ABLIM1: variants seen among roughly 807,000 people sequenced by gnomAD.
ABLIM1 encodes the protein actin binding LIM protein 1, also known as actin-binding LIM protein 1.
A neutral mutation model predicts 107.0 loss-of-function variants in ABLIM1; 40 were observed. The ratio of observed to expected loss-of-function variants is 0.37; its 90% CI spans 0.29 to 0.49. ABLIM1 has a LOEUF of 0.49. Among genes scored for constraint, ABLIM1 ranks in the 20% least tolerant of loss-of-function variants. The pLI is 0.97. For missense variants in ABLIM1, 857 were observed against 1,008.5 expected (o/e 0.85, Z 2.04); for synonymous variants, 357 against 357.3 (o/e 1.00, Z 0.01).
At chr10:114,468,425 C>T (rs1192454852) in intron 10 of ABLIM1, among the ~76,000 whole-genome samples, 1 of 151,990 alleles carries the variant, frequency 6.6e-6, no homozygotes, top group Non-Finnish European at 1.5e-5. Context: ...CAGGCGCCGC[C>T]ACCACCCCCA....
At position 114,436,129 on chromosome 10, in the gene ABLIM1, A is replaced by G; in HGVS notation, c.*131T>C. 3.0e-6 allele frequency: 2 copies of G among 664,172 alleles called. No individual in the cohort carries two copies. Among genetic ancestry groups the G allele is most frequent in the Non-Finnish European group, 5.2e-6 (2 of 381,934 alleles). 41.1% of individuals were successfully genotyped at this position (664,172 alleles called of 1,614,324 possible). On this transcript the variant is annotated 3_prime_UTR_variant, in exon 23 of 23. Coordinates refer to ENST00000533213, the MANE Select transcript of ABLIM1 (RefSeq NM_002313.7). ...ATTTGACTCATGGTGTTTTAACCAG[A>G]CTTTCTCTTTTTGGTGTTGCTGAGC...
intron 1 of ABLIM1, among the ~76,000 whole-genome samples, chr10:114,717,176 T>A (rs1465308363): frequency 6.6e-6 from 1 of 152,192 alleles, no homozygotes; most frequent in African/African-American, 2.4e-5. Context: ...ACCATTATCA[T>A]TTTTTAGGAG....
At chr10:114,761,862 C>T (rs1566314165) in intron 1 of ABLIM1, among the ~76,000 whole-genome samples, 1 of 152,316 alleles carries the variant, frequency 6.6e-6, no homozygotes, top group Middle Eastern at 3.4e-3. Context: ...CTAAGTCCAA[C>T]TCATTCTTCA....
At chr10:114,471,998 C>G (rs562985325) in intron 10 of ABLIM1, among the ~76,000 whole-genome samples, 3 of 151,732 alleles carry the variant, frequency 2.0e-5, no homozygotes, top group Non-Finnish European at 2.9e-5. Flanking sequence ...GAGATGGGAC[C>G]GGGGAGGGGA....
At chr10:114,787,301 G>A in the ABLIM1 span, among the ~76,000 whole-genome samples, 1 of 151,138 alleles carries the variant, frequency 6.6e-6, no homozygotes, top group Non-Finnish European at 1.5e-5. Context: ...CTGCCCAGCA[G>A]CCGCCCCGTC....
At chr10:114,525,122 G>T (rs529605975) in intron 6 of ABLIM1, among the ~76,000 whole-genome samples, 1 of 152,324 alleles carries the variant, frequency 6.6e-6, no homozygotes, top group African/African-American at 2.4e-5. Flanking sequence ...GAGTGCTACT[G>T]TCGCCTGGTG....
Position 114,436,332 on chromosome 10 carries a change from C to T in ABLIM1, c.2265G>A (p.Met755Ile), listed in dbSNP as rs2059372171. The change falls in exon 23 of 23, where the codon ATG becomes ATA. Residue 755 changes from methionine to isoleucine, a missense_variant. Met to Ile is a conservative substitution (Grantham distance 10). This residue lies in a region of ABLIM1 where 193 missense variants were observed against 208.5 expected (regional missense o/e 0.93). Coordinates refer to ENST00000533213, the MANE Select transcript of ABLIM1 (RefSeq NM_002313.7). ...GTAACCTGTCAAACTCCTGTATGGA[C>T]ATTCCAAAGATTTCCCGAAACACTT... ...APEVFREIFG[M>I]SIQEFDRLPL... 1.2e-6 allele frequency: 2 copies of T among 1,613,610 alleles called. No individual in the cohort carries two copies. Among genetic ancestry groups the T allele is most frequent in the Non-Finnish European group, 1.7e-6 (2 of 1,179,888 alleles).
chr10:114,602,720 T>C (rs2076113738), intron 1 of ABLIM1, among the ~76,000 whole-genome samples: 1 of 152,214 alleles, frequency 6.6e-6, no homozygotes, highest in Non-Finnish European at 1.5e-5. Context: ...CCAGGGAATT[T>C]ATAGGGTCTT....
intron 1 of ABLIM1, chr10:114,613,706 C>T: frequency 7.6e-7 from 1 of 1,321,148 alleles, no homozygotes; most frequent in South Asian, 1.2e-5. Flanking sequence ...AAGCATGAGA[C>T]CTGTGTTCAC....
intron 1 of ABLIM1, among the ~76,000 whole-genome samples, chr10:114,709,473 T>C (rs1370288264): frequency 2.0e-5 from 3 of 152,252 alleles, no homozygotes; most frequent in Non-Finnish European, 2.9e-5. Flanking sequence ...AAATGCACCA[T>C]ATACATTTTT....
At chr10:114,545,199 C>T (rs10885579) in intron 5 of ABLIM1, 101 bp from the exon 6 acceptor site, 480,714 of 1,032,360 alleles carry the variant, frequency 0.47, 116,937 homozygotes, top group Non-Finnish European at 0.51. Flanking sequence ...AAGGGCAGGA[C>T]ATATTTCTCC....
At chr10:114,624,482 C>T (rs749351562) in intron 1 of ABLIM1, among the ~76,000 whole-genome samples, 1 of 152,190 alleles carries the variant, frequency 6.6e-6, no homozygotes, top group Non-Finnish European at 1.5e-5. Flanking sequence ...GTTCATCCTT[C>T]CTGGTCATTT....
At chr10:114,781,319 C>G in the ABLIM1 span, among the ~76,000 whole-genome samples, 530 of 151,984 alleles carry the variant, frequency 3.5e-3, 2 homozygotes, top group African/African-American at 0.012. Context: ...GCCTGGGCAA[C>G]ATGGTGAAAC....
chr10:114,710,215 T>C (rs558099049), intron 1 of ABLIM1, among the ~76,000 whole-genome samples: 13 of 152,312 alleles, frequency 8.5e-5, no homozygotes, highest in African/African-American at 3.1e-4. Flanking sequence ...TACAGTGCAA[T>C]CTTTACCAGC....
intron 1 of ABLIM1, chr10:114,632,779 T>C: frequency 2.0e-6 from 2 of 985,390 alleles, no homozygotes; most frequent in Non-Finnish European, 2.4e-6. Flanking sequence ...ACAAGCCCCT[T>C]GGATGTGCAT....
upstream of ABLIM1, among the ~76,000 whole-genome samples, chr10:114,770,677 T>G (rs2083012838): frequency 6.6e-6 from 1 of 152,224 alleles, no homozygotes; most frequent in Non-Finnish European, 1.5e-5. Context: ...ATGGTTTTGT[T>G]GTAAGTCTTT....
intron 1 of ABLIM1, among the ~76,000 whole-genome samples, chr10:114,755,382 T>C (rs1168808634): frequency 1.3e-5 from 2 of 152,166 alleles, no homozygotes; most frequent in Admixed American, 6.5e-5. Context: ...ACTGATGTTC[T>C]AGAAGGCAGG....
chr10:114,489,721 G>T (rs916235115), intron 7 of ABLIM1, among the ~76,000 whole-genome samples: 1 of 152,116 alleles, frequency 6.6e-6, no homozygotes, highest in East Asian at 1.9e-4. Flanking sequence ...GCGCACAATG[G>T]CACTATTGTT....
chr10:114,469,362 C>T (rs1439889863), intron 10 of ABLIM1, among the ~76,000 whole-genome samples: 1 of 152,230 alleles, frequency 6.6e-6, no homozygotes, highest in Non-Finnish European at 1.5e-5. Flanking sequence ...CACTATCATT[C>T]ACCTCTGGCT....
Sources: gnomAD v4.1 joint callset for allele counts (sites outside exome capture counted in the v4.1 genomes callset) on GRCh38, gnomAD v4.1.1 for gene constraint, gnomAD v4.1.1 regional missense constraint, MANE v1.5 for transcripts, NCBI Gene and HGNC (gene_info 2026-07-23, HGNC 2026-07-21) for gene names.